PDE4D: variants seen among roughly 807,000 people sequenced by gnomAD.
PDE4D encodes the protein phosphodiesterase 4D, also known as 3',5'-cyclic-AMP phosphodiesterase 4D.
Under a neutral mutation model 87.4 loss-of-function variants are expected in PDE4D, and 24 were observed. The observed-to-expected ratio is 0.27, with a 90% CI of 0.20 to 0.39. PDE4D has a LOEUF of 0.39. Ranked by LOEUF, PDE4D falls within the 10% of genes least tolerant of loss-of-function variation. PDE4D has a pLI of 1.00. For synonymous variants in PDE4D, 384 were observed against 383.2 expected (o/e 1.00, Z -0.02); for missense variants, 714 against 1,041.0 (o/e 0.69, Z 4.32).
At chr5:59,091,278 G>A (rs1031895869) in intron 5 of PDE4D, among the ~76,000 whole-genome samples, 1 of 151,868 alleles carries the variant, frequency 6.6e-6, no homozygotes, top group Non-Finnish European at 1.5e-5. Flanking sequence ...TCCACTCCTA[G>A]GTATATTCCC....
chr5:60,032,822 G>GCA (rs1767387247), intron 2 of PDE4D: 1 of 152,154 alleles, frequency 6.6e-6, no homozygotes, highest in Non-Finnish European at 1.5e-5. Flanking sequence ...ATAAACTTGT[G>GCA]AAACTTTACC....
chr5:59,813,483 T>G (rs72751269), intron 1 of PDE4D, among the ~76,000 whole-genome samples: 2 of 86,996 alleles, frequency 2.3e-5, no homozygotes, highest in Non-Finnish European at 5.9e-5. Flanking sequence ...CACACACACA[T>G]ATGCCTGTCA....
rs946656274 is a variant in PDE4D, at chr5:59,777,943, G to T, written c.455+115225C>A. On this transcript the variant is annotated intron_variant, in intron 1 of 14. Coordinates refer to ENST00000340635, the MANE Select transcript of PDE4D (RefSeq NM_001104631.2). ...GAAGTTGAAATAAACTCTTTTGCAGGTGTTGTGAATATCTATGTCTGTTAA... is the reference window on the plus strand; with the variant it reads ...GAAGTTGAAATAAACTCTTTTGCAGTTGTTGTGAATATCTATGTCTGTTAA... Among the ~76,000 whole-genome samples the T allele has an allele frequency of 2.0e-5, 3 of 152,088 alleles. No homozygotes were observed. In the East Asian group the frequency reaches 5.8e-4, roughly 29 times the overall value.
intron 1 of PDE4D, among the ~76,000 whole-genome samples, chr5:60,222,562 T>C (rs982542587): frequency 2.6e-5 from 4 of 152,320 alleles, no homozygotes; most frequent in African/African-American, 9.6e-5. Context: ...CTTTAAGGGA[T>C]ACTGAACGTT....
chr5:60,061,357 A>C (rs554873245), intron 2 of PDE4D, among the ~76,000 whole-genome samples: 2 of 152,296 alleles, frequency 1.3e-5, no homozygotes, highest in South Asian at 4.1e-4. Flanking sequence ...TAAAACACCT[A>C]GGAATACAGC....
chr5:59,931,943 T>C lies in PDE4D; in HGVS notation c.272+56545A>G, dbSNP rs556329235. 2.0e-4 allele frequency among the ~76,000 whole-genome samples: 30 copies of C among 152,248 alleles called. No individual in the cohort carries two copies. The Middle Eastern group carries it at 0.01, about 52-fold the overall frequency. On this transcript the variant is annotated intron_variant, in intron 3 of 16. Coordinates refer to the PDE4D transcript ENST00000502484. ...GTCTTGATCTCCTGACCTCGTAATC[T>C]GCCCGCCTTGGCCTCCCAAAGTGCT...
At chr5:60,517,306 C>T (rs1366918274) in intron 1 of PDE4D, among the ~76,000 whole-genome samples, 2 of 152,196 alleles carry the variant, frequency 1.3e-5, no homozygotes, top group Non-Finnish European at 2.9e-5. Flanking sequence ...GGTGCCAGTG[C>T]AGCAGGTTGA....
At chr5:60,311,652 C>T (rs1755051634) in intron 1 of PDE4D, among the ~76,000 whole-genome samples, 1 of 152,130 alleles carries the variant, frequency 6.6e-6, no homozygotes, top group African/African-American at 2.4e-5. Context: ...AAAGCAACTC[C>T]ACAATCAAGT....
chr5:59,001,538 C>T (rs1391497552), intron 6 of PDE4D, among the ~76,000 whole-genome samples: 4 of 152,170 alleles, frequency 2.6e-5, no homozygotes, highest in Admixed American at 2.6e-4. Flanking sequence ...CTAAAGCTAC[C>T]CCCAGAGGAA....
intron 1 of PDE4D, among the ~76,000 whole-genome samples, chr5:59,369,252 T>TA (rs991940246): frequency 4.6e-5 from 7 of 152,158 alleles, no homozygotes; most frequent in African/African-American, 7.2e-5. Flanking sequence ...TACACATATC[T>TA]AGTGCTTGTG....
chr5:60,086,135 G>GA (rs1477709622), intron 2 of PDE4D, among the ~76,000 whole-genome samples: 2 of 151,998 alleles, frequency 1.3e-5, no homozygotes, highest in African/African-American at 4.8e-5. Flanking sequence ...ATCTCAACTA[G>GA]AAAAAATACA....
At chr5:60,202,336 T>A (rs61333972) in intron 1 of PDE4D, among the ~76,000 whole-genome samples, 5,581 of 152,048 alleles carry the variant, frequency 0.037, 218 homozygotes, top group East Asian at 0.21. Flanking sequence ...CTAATTTTTT[T>A]AAAAAAATTT....
At chr5:59,885,980 AAAATGGGTAAAATAAT>A (rs1473969294) in intron 1 of PDE4D, among the ~76,000 whole-genome samples, 1 of 152,190 alleles carries the variant, frequency 6.6e-6, no homozygotes, top group Non-Finnish European at 1.5e-5. Context: ...CATCATCTAT[AAAATGGGTAAAATAAT>A]CACTAACTCT....
intron 1 of PDE4D, among the ~76,000 whole-genome samples, chr5:59,857,945 C>T (rs965091637): frequency 7.1e-6 from 1 of 140,822 alleles, no homozygotes; most frequent in Non-Finnish European, 1.5e-5. Context: ...AGCACATAGG[C>T]AGTCAGGAAG....
At chr5:60,030,646 C>T (rs1156696925) in intron 2 of PDE4D, among the ~76,000 whole-genome samples, 1 of 152,134 alleles carries the variant, frequency 6.6e-6, no homozygotes, top group Non-Finnish European at 1.5e-5. Context: ...TAAACTCGCT[C>T]CCTATTATAT....
At chr5:59,804,489 T>C (rs1767516884) in intron 1 of PDE4D, among the ~76,000 whole-genome samples, 1 of 152,254 alleles carries the variant, frequency 6.6e-6, no homozygotes, top group South Asian at 2.1e-4. Flanking sequence ...GCATGTGGTC[T>C]TTCTCGTAGA....
intron 2 of PDE4D, among the ~76,000 whole-genome samples, chr5:60,138,926 G>T (rs1780285373): frequency 6.6e-6 from 1 of 151,998 alleles, no homozygotes; most frequent in Non-Finnish European, 1.5e-5. Flanking sequence ...GTCATAAAGG[G>T]CTGTTTGGTT....
chr5:59,070,120 G>A (rs920229500), intron 5 of PDE4D, among the ~76,000 whole-genome samples: 9 of 152,152 alleles, frequency 5.9e-5, no homozygotes, highest in Non-Finnish European at 1.2e-4. Context: ...CTGCTTGAGA[G>A]TGATGTTACA....
intron 2 of PDE4D, among the ~76,000 whole-genome samples, chr5:59,999,525 G>T (rs1347842786): frequency 5.0e-5 from 4 of 79,584 alleles, no homozygotes; most frequent in African/African-American, 1.9e-4. Flanking sequence ...GTATCCCGTG[G>T]TAAAAAAAAA....
Sources: gnomAD v4.1 joint callset for allele counts (sites outside exome capture counted in the v4.1 genomes callset) on GRCh38, gnomAD v4.1.1 for gene constraint, MANE v1.5 for transcripts, NCBI Gene and HGNC (gene_info 2026-07-23, HGNC 2026-07-21) for gene names.